Variants in RBFOX1 observed in about 807,000 individuals in gnomAD.
RBFOX1 encodes RNA binding protein fox-1 homolog 1.
In RBFOX1, 8 loss-of-function variants were observed where a neutral mutation model predicts 57.7. That is an observed-to-expected ratio of 0.14 (90% CI 0.08 to 0.25). The LOEUF (loss-of-function observed/expected upper bound fraction) is 0.25, where lower values mean the gene tolerates loss of function less well. Among genes scored for constraint, RBFOX1 ranks in the 10% least tolerant of loss-of-function variants. The pLI, the probability that RBFOX1 is intolerant of heterozygous loss-of-function variation, is 1.00. For synonymous variants in RBFOX1, 326 were observed against 222.4 expected, an observed-to-expected ratio of 1.47 and a Z score of -4.15; for missense variants, 611 against 548.5, an observed-to-expected ratio of 1.11 and a Z score of -1.14.
At chr16:6,678,711 C>G (rs1168813361) in intron 3 of RBFOX1, among the ~76,000 whole-genome samples, 1 of 151,826 alleles carries the variant, frequency 6.6e-6, no homozygotes, top group Non-Finnish European at 1.5e-5. Context: ...CTCTGTGTAT[C>G]TCAGAGTAGA....
intron 3 of RBFOX1, among the ~76,000 whole-genome samples, chr16:5,774,237 C>G (rs186771403): frequency 7.2e-5 from 11 of 152,200 alleles, no homozygotes; most frequent in Admixed American, 6.5e-5. Context: ...GGGCCCATTA[C>G]CTTACTGACA....
Position 7,628,236 on chromosome 16 carries a change from C to A in RBFOX1, c.677-2367C>A, listed in dbSNP as rs895382397. 1.8e-4 allele frequency among the ~76,000 whole-genome samples: 27 copies of A among 152,044 alleles called. 1 individual carries two copies. Among genetic ancestry groups the A allele is most frequent in the Non-Finnish European group, 2.9e-5 (2 of 68,006 alleles). On this transcript the variant is annotated intron_variant, in intron 10 of 15. Transcript: ENST00000550418. ...ATTTTAAGTGTTTTTTTAAACCAGG[C>A]GTGCACAGGAGAGAAGGTTGAGGAG... is the stretch of plus-strand genomic sequence containing the variant.
chr16:5,693,656 T>C (rs1044357090), intron 3 of RBFOX1, among the ~76,000 whole-genome samples: 2 of 152,306 alleles, frequency 1.3e-5, no homozygotes, highest in Admixed American at 1.3e-4. Context: ...GCGAGAATCT[T>C]GGTTCCAGAA....
chr16:7,146,481 C>T (rs1484945047), intron 4 of RBFOX1, among the ~76,000 whole-genome samples: 2 of 152,126 alleles, frequency 1.3e-5, no homozygotes, highest in African/African-American at 4.8e-5. Flanking sequence ...CAAAGGTGGT[C>T]TTCAGCTTTC....
At chr16:7,446,914 AG>A (rs1352410354) in intron 4 of RBFOX1, among the ~76,000 whole-genome samples, 10 of 141,180 alleles carry the variant, frequency 7.1e-5, no homozygotes, top group Non-Finnish European at 1.5e-4. Context: ...CTGGGTTCAC[AG>A]CATTCTCCTG....
intron 3 of RBFOX1, among the ~76,000 whole-genome samples, chr16:7,021,190 T>G (rs920500910): frequency 6.6e-6 from 1 of 152,042 alleles, no homozygotes; most frequent in African/African-American, 2.4e-5. Flanking sequence ...GGGAAACTTG[T>G]CTCTTCTCAG....
At chr16:5,812,241 G>A (rs940442306) in intron 3 of RBFOX1, among the ~76,000 whole-genome samples, 2 of 152,226 alleles carry the variant, frequency 1.3e-5, no homozygotes, top group African/African-American at 2.4e-5. Flanking sequence ...CAAATAATGC[G>A]GATATGAACA....
chr16:7,260,275 C>G (rs1290545953), intron 4 of RBFOX1, among the ~76,000 whole-genome samples: 1 of 152,134 alleles, frequency 6.6e-6, no homozygotes, highest in African/African-American at 2.4e-5. Context: ...CTTGGACTTG[C>G]CAGATATCCA....
chr16:7,206,866 G>C (rs1282695866), intron 4 of RBFOX1, among the ~76,000 whole-genome samples: 4 of 152,078 alleles, frequency 2.6e-5, no homozygotes, highest in African/African-American at 9.7e-5. Context: ...AAAAAAAATG[G>C]AGAGGCTGGA....
At chr16:6,423,774 C>G (rs77040852) in intron 2 of RBFOX1, among the ~76,000 whole-genome samples, 1 of 152,042 alleles carries the variant, frequency 6.6e-6, no homozygotes, top group African/African-American at 2.4e-5. Flanking sequence ...TCAGCTACGA[C>G]GCAGCACTGC....
intron 3 of RBFOX1, among the ~76,000 whole-genome samples, chr16:7,020,729 C>T (rs987820602): frequency 6.6e-6 from 1 of 152,056 alleles, no homozygotes; most frequent in African/African-American, 2.4e-5. Flanking sequence ...GGGAAATGTC[C>T]TTCCCTCTGA....
At chr16:7,370,626 C>G (rs928877073) in intron 4 of RBFOX1, among the ~76,000 whole-genome samples, 3 of 152,206 alleles carry the variant, frequency 2.0e-5, no homozygotes, top group African/African-American at 7.2e-5. Flanking sequence ...ACCATTCTCT[C>G]ATTAGCACAT....
intron 3 of RBFOX1, chr16:5,867,298 T>C: frequency 8.3e-7 from 1 of 1,202,576 alleles, no homozygotes; most frequent in Non-Finnish European, 1.0e-6. Context: ...TTGTTTAACT[T>C]GCAGGTTTCG....
intron 3 of RBFOX1, among the ~76,000 whole-genome samples, chr16:6,990,297 G>C (rs2091205627): frequency 6.6e-6 from 1 of 152,096 alleles, no homozygotes; most frequent in South Asian, 2.1e-4. Context: ...GGCCGAGGCG[G>C]GTGGGTCACC....
chr16:5,302,917 C>G (rs1236484536), intron 1 of RBFOX1, among the ~76,000 whole-genome samples: 2 of 152,092 alleles, frequency 1.3e-5, no homozygotes, highest in African/African-American at 4.8e-5. Context: ...AGAGTTTAGG[C>G]CATTTATATT....
At position 6,679,450 on chromosome 16, in the gene RBFOX1, C is replaced by T. The variant is rs572769972; in HGVS notation, c.-16+24800C>T. On this transcript the variant is annotated intron_variant, in intron 3 of 15. Transcript: ENST00000550418. ...TCATTGCAGTGCCTCGTTTCTTGGT[C>T]TCACTTTCCTTTCTTTGACCTGGGA... Among the ~76,000 whole-genome samples the T allele has an allele frequency of 1.5e-3, 221 of 152,222 alleles. 1 individual carries two copies. Among genetic ancestry groups the T allele is most frequent in the Non-Finnish European group, 2.6e-3 (179 of 68,016 alleles).
chr16:7,208,330 G>A (rs11860613), intron 4 of RBFOX1, among the ~76,000 whole-genome samples: 17,487 of 152,238 alleles, frequency 0.11, 1,177 homozygotes, highest in African/African-American at 0.17. Flanking sequence ...CAGTAAGGGA[G>A]TAGCTAACGC....
chr16:6,389,056 T>C (rs2092455458), intron 2 of RBFOX1, among the ~76,000 whole-genome samples: 1 of 152,200 alleles, frequency 6.6e-6, no homozygotes, highest in Admixed American at 6.5e-5. Flanking sequence ...TCCCTTTTTT[T>C]AGTCTTTTCA....
chr16:5,760,754 C>G (rs754939021), intron 3 of RBFOX1, among the ~76,000 whole-genome samples: 8 of 151,958 alleles, frequency 5.3e-5, no homozygotes, highest in Non-Finnish European at 1.0e-4. Context: ...AAAGTAATGA[C>G]AAAAACCGCA....
Sources: allele counts gnomAD v4.1 joint callset (sites outside exome capture counted in the v4.1 genomes callset), GRCh38; gene constraint gnomAD v4.1.1; transcripts MANE v1.5; gene names NCBI Gene and HGNC (gene_info 2026-07-23, HGNC 2026-07-21).